The following SH3RF2 variants were observed in gnomAD, a reference collection of about 807,000 sequenced individuals.
The protein encoded by SH3RF2 is E3 ubiquitin-protein ligase SH3RF2.
A neutral mutation model predicts 59.0 loss-of-function variants in SH3RF2; 43 were observed. The observed-to-expected ratio is 0.73, with a 90% confidence interval of 0.57 to 0.94. SH3RF2 has a LOEUF of 0.94. SH3RF2 is among the 40% of genes least tolerant of loss of function. The pLI, the probability that SH3RF2 is intolerant of heterozygous loss-of-function variation, is 0.00. For missense variants in SH3RF2, 930 were observed against 940.1 expected, an observed-to-expected ratio of 0.99 and a Z score of 0.14; for synonymous variants, 391 against 391.5, an observed-to-expected ratio of 1.00 and a Z score of 0.01.
At chr5:146,065,935 C>T (rs1417045434), downstream of SH3RF2, among the ~76,000 whole-genome samples, 2 of 152,216 alleles carry the variant, frequency 1.3e-5, no homozygotes, top group Non-Finnish European at 2.9e-5. Flanking sequence ...GGATTACAGG[C>T]GTGAGCCACC....
intron 5 of SH3RF2, among the ~76,000 whole-genome samples, chr5:146,036,886 C>T (rs1205648000): frequency 6.6e-6 from 1 of 152,192 alleles, no homozygotes; most frequent in Non-Finnish European, 1.5e-5. Context: ...GAATGGTCAA[C>T]CTAGCACCGG....
intron 7 of SH3RF2, among the ~76,000 whole-genome samples, chr5:146,050,286 CTG>C (rs1034949150): frequency 3.3e-5 from 5 of 152,128 alleles, no homozygotes; most frequent in African/African-American, 1.2e-4. Flanking sequence ...GTGTATGCAA[CTG>C]GTCTTGGTTC....
intron 2 of SH3RF2, among the ~76,000 whole-genome samples, chr5:145,955,625 C>G (rs1465348277): frequency 6.6e-6 from 1 of 152,094 alleles, no homozygotes; most frequent in Admixed American, 6.5e-5. Context: ...GCTTCCAGTA[C>G]CAAAACTTGT....
At chr5:146,072,033 A>G (rs1017421763) in intron 9 of SH3RF2, among the ~76,000 whole-genome samples, 2 of 152,212 alleles carry the variant, frequency 1.3e-5, no homozygotes, top group Non-Finnish European at 2.9e-5. Context: ...TTGTTAAGAG[A>G]GCTTCGTGAA....
intron 5 of SH3RF2, among the ~76,000 whole-genome samples, chr5:146,024,862 A>G (rs1481560926): frequency 6.6e-6 from 1 of 152,218 alleles, no homozygotes; most frequent in Non-Finnish European, 1.5e-5. Flanking sequence ...AGTACTTTTT[A>G]TAGCAACACA....
At chr5:146,041,428 C>T (rs1200263604) in intron 5 of SH3RF2, among the ~76,000 whole-genome samples, 1 of 152,200 alleles carries the variant, frequency 6.6e-6, no homozygotes, top group Non-Finnish European at 1.5e-5. Flanking sequence ...CGGAGCCCTG[C>T]GTGTCCTGCT....
intron 4 of SH3RF2, among the ~76,000 whole-genome samples, chr5:146,006,981 G>A (rs771511761): frequency 7.2e-5 from 11 of 152,186 alleles, no homozygotes; most frequent in Non-Finnish European, 1.5e-4. Context: ...CGTTTCAGAA[G>A]TGACACTTGT....
Position 146,059,850 on chromosome 5 carries a change from T to C in SH3RF2, c.1556-16T>C. The C allele has an allele frequency of 6.9e-7, 1 of 1,441,128 alleles. No individual in the cohort carries two copies. The highest frequency in any genetic ancestry group is 9.1e-7 in the Non-Finnish European group (1 of 1,093,860). The allele number at this position is 1,441,128 out of a possible 1,614,324, so 89.3% of individuals were successfully genotyped here. On this transcript the variant is annotated splice_polypyrimidine_tract_variant and intron_variant, in intron 8 of 9. Coordinates refer to ENST00000359120, the MANE Select transcript of SH3RF2 (RefSeq NM_152550.4). ...GCCGCCCCTGCTGCTGATCTCTCTG[T>C]CCTATAATTCCCCAGATGGATCCCT...
intron 2 of SH3RF2, among the ~76,000 whole-genome samples, chr5:145,954,299 T>G (rs962164077): frequency 5.9e-5 from 9 of 152,268 alleles, no homozygotes; most frequent in Non-Finnish European, 1.3e-4. Flanking sequence ...TGCATTTCTC[T>G]AATGATCAGC....
chr5:145,941,580 G>T (rs1004161762), intron 2 of SH3RF2, among the ~76,000 whole-genome samples: 1 of 152,180 alleles, frequency 6.6e-6, no homozygotes, highest in South Asian at 2.1e-4. Flanking sequence ...TTCCTGAATA[G>T]CTGATCTCTC....
intron 9 of SH3RF2, among the ~76,000 whole-genome samples, chr5:146,075,807 AG>A (rs1233198424): frequency 2.0e-4 from 27 of 137,286 alleles, no homozygotes; most frequent in African/African-American, 8.1e-4. Flanking sequence ...AAAAAAAAAA[AG>A]GATGAAAAAG....
At chr5:145,943,005 G>T (rs1367331985) in intron 2 of SH3RF2, among the ~76,000 whole-genome samples, 2 of 151,882 alleles carry the variant, frequency 1.3e-5, no homozygotes, top group East Asian at 3.8e-4. Flanking sequence ...AATAATAAAG[G>T]CATACTTATA....
At chr5:146,012,720 C>T (rs921943061) in intron 4 of SH3RF2, among the ~76,000 whole-genome samples, 5 of 152,114 alleles carry the variant, frequency 3.3e-5, no homozygotes, top group African/African-American at 9.7e-5. Context: ...CAACATGTTT[C>T]AGATTTCCAA....
At chr5:145,961,801 C>A (rs180719517) in intron 2 of SH3RF2, among the ~76,000 whole-genome samples, 2 of 152,280 alleles carry the variant, frequency 1.3e-5, no homozygotes, top group Admixed American at 1.3e-4. Context: ...TGTAGGAAGA[C>A]CTTCTCAGTT....
intron 2 of SH3RF2, among the ~76,000 whole-genome samples, chr5:145,999,006 A>AT (rs1371102065): frequency 7.3e-6 from 1 of 137,640 alleles, no homozygotes; most frequent in African/African-American, 2.6e-5. Context: ...ATCTAACTTA[A>AT]TTTAAAATAC....
intron 2 of SH3RF2, among the ~76,000 whole-genome samples, chr5:145,957,919 C>G (rs1195910243): frequency 6.6e-6 from 1 of 152,162 alleles, no homozygotes; most frequent in Non-Finnish European, 1.5e-5. Flanking sequence ...TTGAGACCAG[C>G]CTGGCCAACA....
chr5:145,977,476 C>A (rs1451809493), intron 2 of SH3RF2, among the ~76,000 whole-genome samples: 1 of 152,196 alleles, frequency 6.6e-6, no homozygotes, highest in Admixed American at 6.5e-5. Flanking sequence ...AGGAGATACT[C>A]TGTAGGCTGA....
intron 7 of SH3RF2, among the ~76,000 whole-genome samples, chr5:146,050,875 A>G (rs1445061469): frequency 2.0e-5 from 3 of 152,248 alleles, no homozygotes; most frequent in Non-Finnish European, 4.4e-5. Context: ...GAAGGAAAGC[A>G]GGAGCCAAGC....
chr5:145,997,076 T>C (rs1760191756), intron 2 of SH3RF2: 1 of 560,656 alleles, frequency 1.8e-6, no homozygotes, highest in Non-Finnish European at 3.2e-6. Flanking sequence ...ATGTGAAGGT[T>C]TGTTACACAG....
Sources: allele counts gnomAD v4.1 joint callset (sites outside exome capture counted in the v4.1 genomes callset), GRCh38; gene constraint gnomAD v4.1.1; transcripts MANE v1.5; gene names NCBI Gene and HGNC (gene_info 2026-07-23, HGNC 2026-07-21).